NRAP: variants seen among roughly 807,000 people sequenced by gnomAD.
NRAP encodes the protein nebulin related anchoring protein, also known as nebulin-related-anchoring protein.
In NRAP, 189 loss-of-function variants were observed where a neutral mutation model predicts 225.9. That is an observed-to-expected ratio of 0.84 (90% CI 0.74 to 0.94). NRAP has a LOEUF of 0.94. Among genes scored for constraint, NRAP ranks in the 40% least tolerant of loss-of-function variants. The pLI is 0.00. For missense variants in NRAP, 2,176 were observed against 2,168.7 expected, an observed-to-expected ratio of 1.00 and a Z score of -0.07; for synonymous variants, 769 against 790.7, an observed-to-expected ratio of 0.97 and a Z score of 0.46.
rs1422920767 is a variant in NRAP, at chr10:113,604,744, C to T, written c.4092G>A (p.Val1364=). The change falls in exon 35 of 42, where the codon GTG becomes GTA. Residue 1364 remains valine, a synonymous_variant. Coordinates refer to ENST00000359988, the MANE Select transcript of NRAP (RefSeq NM_198060.4). The stretch of plus-strand genomic sequence containing the variant: ...GGGCATTCTTGGCATGGACCAGGTG[C>T]ACCATGTCCATGGGCAGATGGAACT... ...QAQFHLPMDM[V]HLVHAKNAQA... is the part of the protein sequence containing the mutation. 1.9e-6 allele frequency: 3 copies of T among 1,614,196 alleles called. No homozygotes were observed. The South Asian group carries it at 3.3e-5, about 18-fold the overall frequency.
chr10:113,608,350 C>T (rs1476501309), intron 32 of NRAP, 64 bp downstream of exon 32: 7 of 970,638 alleles, frequency 7.2e-6, no homozygotes, highest in Middle Eastern at 2.1e-4. Context: ...AACACATTCA[C>T]GTGTATTTTT....
At position 113,660,498 on chromosome 10, in the gene NRAP, C is replaced by T. The variant is rs7088853; in HGVS notation, c.255+2181G>A. On this transcript the variant is annotated intron_variant, in intron 3 of 41. Coordinates refer to ENST00000359988, the MANE Select transcript of NRAP (RefSeq NM_198060.4). Reference sequence around the variant, plus strand: ...GGCTGGAAATAGAACCAGCAACAATCCTAGCCTTGCTCCAGGTTGGGCCTG... The same window carrying T: ...GGCTGGAAATAGAACCAGCAACAATTCTAGCCTTGCTCCAGGTTGGGCCTG... Among the ~76,000 whole-genome samples, 1,097 of 152,266 alleles carry T rather than the reference C, an allele frequency of 7.2e-3. 14 individuals carry two copies. The highest frequency in any genetic ancestry group is 0.025 in the African/African-American group (1,052 of 41,536).
intron 20 of NRAP, among the ~76,000 whole-genome samples, chr10:113,628,472 C>T (rs1008413011): frequency 6.6e-6 from 1 of 152,082 alleles, no homozygotes; most frequent in Non-Finnish European, 1.5e-5. Flanking sequence ...ACAGGCCAAC[C>T]TCTTCATTTT....
In NRAP at chr10:113,598,088, A is replaced by T. The variant is rs1846390966; in HGVS notation, c.4228-15T>A. On this transcript the variant is annotated splice_polypyrimidine_tract_variant and intron_variant, in intron 35 of 41. Coordinates refer to ENST00000359988, the MANE Select transcript of NRAP (RefSeq NM_198060.4). ...TTGTAGCGCAACTGCAGGGAAAAAA[A>T]TCATGGGCTTTATCAGGAGAGTGCT... is the stretch of plus-strand genomic sequence containing the variant. 6.4e-7 allele frequency: 1 copy of T among 1,551,854 alleles called. No individual in the cohort carries two copies. Among genetic ancestry groups the T allele is most frequent in the African/African-American group, 1.4e-5 (1 of 73,742 alleles).
At chr10:113,640,757 T>C (rs994078080) in intron 13 of NRAP, among the ~76,000 whole-genome samples, 20 of 152,200 alleles carry the variant, frequency 1.3e-4, no homozygotes, top group Admixed American at 6.5e-5. Context: ...GTTTTAATAA[T>C]GAAATCAGTT....
Position 113,643,304 on chromosome 10 carries a change from A to G in NRAP, c.1111-266T>C, listed in dbSNP as rs1259748295. Among the ~76,000 whole-genome samples, 24 of 152,234 alleles carry G rather than the reference A, an allele frequency of 1.6e-4. 1 individual carries two copies. The highest frequency in any genetic ancestry group is 1.6e-3 in the Admixed American group (24 of 15,284). On this transcript the variant is annotated intron_variant, in intron 11 of 41. Coordinates refer to ENST00000359988, the MANE Select transcript of NRAP (RefSeq NM_198060.4). ...AATATAAGATTTCATAACTCAAAAA[A>G]TGGCAAAACTGGTTTTACAACTCAG...
intron 35 of NRAP, among the ~76,000 whole-genome samples, chr10:113,603,642 GC>G: frequency 6.6e-6 from 1 of 152,164 alleles, no homozygotes; most frequent in East Asian, 1.9e-4. Context: ...CAGAGCCTAG[GC>G]CCTGCTCAGA....
chr10:113,601,703 C>CT (rs1369429588), intron 35 of NRAP, among the ~76,000 whole-genome samples: 1 of 152,110 alleles, frequency 6.6e-6, no homozygotes, highest in African/African-American at 2.4e-5. Context: ...AATGTCCTTT[C>CT]TTTTCAGAAA....
At chr10:113,617,667 A>T in intron 25 of NRAP, 114 bp from the exon 26 acceptor site, 1 of 711,826 alleles carries the variant, frequency 1.4e-6, no homozygotes, top group South Asian at 1.5e-5. Flanking sequence ...CACAATTATT[A>T]TTCTGCTTCC....
Position 113,612,579 on chromosome 10 carries a change from G to A in NRAP, c.3301-148C>T. On this transcript the variant is annotated intron_variant, in intron 29 of 41. Transcript: ENST00000359988. The stretch of plus-strand genomic sequence containing the variant: ...CAGTGCTCCTTTCTTGCAGAGACTG[G>A]CCTAATAACCAGGGCTTGTCTCTAG... 1.9e-5 allele frequency: 12 copies of A among 648,224 alleles called. No homozygotes were observed. The South Asian group carries it at 2.3e-4, about 12-fold the overall frequency. The allele number at this position is 648,224 out of a possible 1,614,324, so 40.2% of individuals were successfully genotyped here.
intron 37 of NRAP, 61 bp downstream of exon 37, chr10:113,597,025 C>T (rs1380854418): frequency 8.9e-6 from 10 of 1,124,926 alleles, no homozygotes; most frequent in South Asian, 2.5e-5. Flanking sequence ...TTCTTAGACC[C>T]GGACCACTGA....
rs749183047 is a variant in NRAP at position 113,606,224 on chromosome 10, A to G, written c.3761T>C (p.Leu1254Pro). The change falls in exon 33 of 42, where the codon CTG becomes CCG. Residue 1254 changes from leucine to proline, a missense_variant. By Grantham distance (98) the Leu-to-Pro change is moderately conservative (BLOSUM62 -3). Around this residue, in one of 3 missense-constraint regions of NRAP, gnomAD observed 1,708 missense variants for 1,695.5 expected, o/e 1.01. Transcript: ENST00000359988. ...ARHEYTMTLG[L>P]PEFIRAKTNA... ...CGTTTTTGCTCGGATGAACTCGGGC[A>G]GACCCAGGGTCATTGTATACTCGTG... 6 of 1,614,204 alleles carry G rather than the reference A, an allele frequency of 3.7e-6. No individual in the cohort carries two copies. The highest frequency in any genetic ancestry group is 4.2e-6 in the Non-Finnish European group (5 of 1,180,006).
chr10:113,592,378 G>T, intron 38 of NRAP, 77 bp from the exon 39 acceptor site: 2 of 965,928 alleles, frequency 2.1e-6, no homozygotes, highest in Non-Finnish European at 3.2e-6. Context: ...CTCAGCAGGA[G>T]TGGTTCTTAA....
intron 14 of NRAP, among the ~76,000 whole-genome samples, chr10:113,635,218 A>G (rs1298493910): frequency 6.6e-6 from 1 of 152,194 alleles, no homozygotes; most frequent in East Asian, 1.9e-4. Flanking sequence ...TTCTCCAAAC[A>G]CACCTGACCA....
chr10:113,637,464 G>A (rs3127099), intron 14 of NRAP, among the ~76,000 whole-genome samples: 84,272 of 152,078 alleles, frequency 0.55, 24,599 homozygotes, highest in East Asian at 0.73. Flanking sequence ...TTATATTACA[G>A]ATGGGCAAGG....
intron 29 of NRAP, among the ~76,000 whole-genome samples, chr10:113,612,700 G>A (rs117500329): frequency 0.021 from 3,244 of 152,272 alleles, 44 homozygotes; most frequent in Middle Eastern, 0.044. Context: ...AAAGTCCAAG[G>A]AACAGTAAAT....
chr10:113,659,344 A>T (rs1279347340), intron 3 of NRAP, among the ~76,000 whole-genome samples: 2 of 152,210 alleles, frequency 1.3e-5, no homozygotes, highest in Non-Finnish European at 1.5e-5. Flanking sequence ...AGTCACGACA[A>T]TCAATATGTC....
Position 113,622,154 on chromosome 10 carries a change from T to A in NRAP, c.2484A>T (p.Arg828Ser), listed in dbSNP as rs1245820227. ...TTGCCCCAATGAGCTTCCCTCTGGA[T>A]CTCTCATAATCCTCCTTGTACTTCA... The part of the protein sequence containing the change: ...SEVKYKEDYE[R>S]SRGKLIGAKD... Residue 828 changes from arginine (R) to serine (S), a missense_variant, in exon 24 of 42, where the codon AGA becomes AGT. By Grantham distance (110) the Arg-to-Ser change is moderately radical. Transcript: ENST00000359988. 1.2e-6 allele frequency: 2 copies of A among 1,613,458 alleles called. No individual in the cohort carries two copies. The highest frequency in any genetic ancestry group is 1.7e-6 in the Non-Finnish European group (2 of 1,179,390).
intron 38 of NRAP, among the ~76,000 whole-genome samples, chr10:113,594,701 G>A (rs1846186002): frequency 6.6e-6 from 1 of 152,334 alleles, no homozygotes; most frequent in Admixed American, 6.5e-5. Flanking sequence ...AAGCACCATC[G>A]CATTCACTGC....
Sources: gnomAD v4.1 joint callset for allele counts (sites outside exome capture counted in the v4.1 genomes callset) on GRCh38, gnomAD v4.1.1 for gene constraint, gnomAD v4.1.1 regional missense constraint, MANE v1.5 for transcripts, NCBI Gene and HGNC (gene_info 2026-07-23, HGNC 2026-07-21) for gene names.